The following LEKR1 variants were observed in gnomAD, a reference collection of about 807,000 sequenced individuals.
The protein encoded by LEKR1 is protein LEKR1.
In LEKR1, 59 loss-of-function variants were observed where a neutral mutation model predicts 72.4. That is an observed-to-expected ratio of 0.82 (90% CI 0.66 to 1.01). The LOEUF (loss-of-function observed/expected upper bound fraction) is 1.01. Ranked by LOEUF, LEKR1 falls within the 50% of genes least tolerant of loss-of-function variation. The probability of loss-of-function intolerance (pLI) is 0.00; values close to 1 mark genes in which losing one functional copy is unlikely to be tolerated. For synonymous variants in LEKR1, 257 were observed against 263.2 expected (o/e 0.98, Z 0.23); for missense variants, 728 against 759.2 (o/e 0.96, Z 0.48).
rs146352080 is a variant in LEKR1 at position 156,926,339 on chromosome 3, A to C, written c.384-1090A>C. Among the ~76,000 whole-genome samples, 1,079 of 152,150 alleles carry C rather than the reference A, an allele frequency of 7.1e-3. 5 individuals carry two copies. The highest frequency in any genetic ancestry group is 0.011 in the Admixed American group (170 of 15,272). On this transcript the variant is annotated intron_variant, in intron 4 of 12. Coordinates refer to ENST00000356539, the MANE Select transcript of LEKR1 (RefSeq NM_001004316.3). ...GAAAAGTTTAATAAGAATTTCCCCA[A>C]ATTGGACAATGCTAAGAATTTGTGT... is the stretch of plus-strand genomic sequence containing the variant.
At chr3:157,023,814 G>A (rs1323046126) in intron 10 of LEKR1, among the ~76,000 whole-genome samples, 2 of 152,150 alleles carry the variant, frequency 1.3e-5, no homozygotes, top group Non-Finnish European at 2.9e-5. Context: ...AGATTTCTAA[G>A]GTCCCTTCTA....
chr3:156,988,863 G>C (rs984682819), intron 7 of LEKR1, among the ~76,000 whole-genome samples: 1 of 152,002 alleles, frequency 6.6e-6, no homozygotes, highest in Non-Finnish European at 1.5e-5. Flanking sequence ...ATGGAGTCTC[G>C]CACTGTCGCC....
intron 5 of LEKR1, among the ~76,000 whole-genome samples, chr3:156,934,824 TATACAC>T (rs975347137): frequency 9.2e-5 from 14 of 152,112 alleles, no homozygotes; most frequent in African/African-American, 3.4e-4. Flanking sequence ...TATACATACA[TATACAC>T]TTAAAATATA....
intron 12 of LEKR1, among the ~76,000 whole-genome samples, chr3:157,042,922 C>A (rs1303132193): frequency 6.6e-6 from 1 of 152,172 alleles, no homozygotes. Context: ...CCACCCAAAT[C>A]TCATGTCAAA....
At chr3:156,924,673 AT>A (rs572296828) in intron 4 of LEKR1, 8 of 436,910 alleles carry the variant, frequency 1.8e-5, no homozygotes, top group Non-Finnish European at 3.2e-5. Flanking sequence ...TCACGTGGAT[AT>A]TCAATTGTTC....
At chr3:156,966,015 A>C (rs892502125) in intron 6 of LEKR1, among the ~76,000 whole-genome samples, 1 of 152,226 alleles carries the variant, frequency 6.6e-6, no homozygotes, top group East Asian at 1.9e-4. Flanking sequence ...CTGATTTTGT[A>C]TATTCAGGTC....
chr3:156,862,505 G>A (rs924399441), intron 3 of LEKR1, among the ~76,000 whole-genome samples: 4 of 151,968 alleles, frequency 2.6e-5, no homozygotes, highest in Admixed American at 6.6e-5. Flanking sequence ...TAAAATGGAC[G>A]GAGAAAGAGC....
At chr3:157,006,091 C>T (rs955155728) in intron 9 of LEKR1, among the ~76,000 whole-genome samples, 10 of 151,792 alleles carry the variant, frequency 6.6e-5, no homozygotes, top group Non-Finnish European at 1.2e-4. Flanking sequence ...CTGCAAGCTC[C>T]GCTTCCCGGG....
chr3:156,902,886 C>G (rs1035023488), intron 3 of LEKR1, among the ~76,000 whole-genome samples: 1 of 151,376 alleles, frequency 6.6e-6, no homozygotes, highest in African/African-American at 2.4e-5. Context: ...GTTTAATATC[C>G]TGATTTTAAA....
chr3:156,878,050 G>T (rs1718826303), intron 3 of LEKR1, among the ~76,000 whole-genome samples: 1 of 151,844 alleles, frequency 6.6e-6, no homozygotes, highest in African/African-American at 2.4e-5. Context: ...CAAAATGTTG[G>T]GATTACAGGT....
intron 2 of LEKR1, among the ~76,000 whole-genome samples, chr3:156,846,373 G>T (rs1475386770): frequency 6.6e-6 from 1 of 151,634 alleles, no homozygotes; most frequent in Non-Finnish European, 1.5e-5. Context: ...CAGTGAGGGT[G>T]GATATCCTTG....
chr3:156,940,510 C>T (rs746464910), intron 5 of LEKR1, among the ~76,000 whole-genome samples: 51 of 152,112 alleles, frequency 3.4e-4, no homozygotes, highest in Non-Finnish European at 6.3e-4. Flanking sequence ...AACCCCAAAT[C>T]GGGACACATG....
rs564668317 is a variant in LEKR1, at chr3:156,835,766, A to C, written c.48+6389A>C. Reference sequence around the variant, plus strand: ...CACCAAGGCTAAAAGTTCTCTCGTAAAGCCTCTCTCATAAAGCGATTCCTT... The same window carrying C: ...CACCAAGGCTAAAAGTTCTCTCGTACAGCCTCTCTCATAAAGCGATTCCTT... On this transcript the variant is annotated intron_variant, in intron 2 of 12. Coordinates refer to ENST00000356539, the MANE Select transcript of LEKR1 (RefSeq NM_001004316.3). Among the ~76,000 whole-genome samples, 5 of 151,262 alleles carry C rather than the reference A, an allele frequency of 3.3e-5. No individual in the cohort carries two copies. The South Asian group carries it at 1.0e-3, about 32-fold the overall frequency.
At chr3:157,024,982 A>G in intron 11 of LEKR1, 58 bp downstream of exon 11, 1 of 1,256,824 alleles carries the variant, frequency 8.0e-7, no homozygotes, top group Non-Finnish European at 1.1e-6. Flanking sequence ...GATGTTGTAT[A>G]TTTCGCCTTA....
At chr3:156,895,610 CA>C (rs574558103) in intron 3 of LEKR1, among the ~76,000 whole-genome samples, 4 of 141,006 alleles carry the variant, frequency 2.8e-5, no homozygotes, top group African/African-American at 2.6e-5. Context: ...GACCTTGTCT[CA>C]AAAAAAAAAC....
chr3:156,849,665 C>T (rs908106939), intron 2 of LEKR1, among the ~76,000 whole-genome samples: 1 of 152,162 alleles, frequency 6.6e-6, no homozygotes, highest in Non-Finnish European at 1.5e-5. Flanking sequence ...GGAAAGGATT[C>T]CCTATTTAAT....
intron 3 of LEKR1, among the ~76,000 whole-genome samples, chr3:156,901,726 A>G (rs62275257): frequency 0.032 from 4,843 of 152,236 alleles, 117 homozygotes; most frequent in Non-Finnish European, 0.047. Flanking sequence ...TCACTCTGTC[A>G]CCCAGGCTGG....
At chr3:157,008,466 C>G (rs2108020819) in intron 9 of LEKR1, among the ~76,000 whole-genome samples, 1 of 152,286 alleles carries the variant, frequency 6.6e-6, no homozygotes, top group East Asian at 1.9e-4. Flanking sequence ...AGCTACAATA[C>G]AGTGAACTTC....
chr3:156,933,542 G>C (rs1725436221), intron 5 of LEKR1, among the ~76,000 whole-genome samples: 1 of 152,092 alleles, frequency 6.6e-6, no homozygotes, highest in Admixed American at 6.6e-5. Flanking sequence ...ATGTAAAATA[G>C]TCGTCTTGGT....
Sources: allele counts gnomAD v4.1 joint callset (sites outside exome capture counted in the v4.1 genomes callset), GRCh38; gene constraint gnomAD v4.1.1; transcripts MANE v1.5; gene names NCBI Gene and HGNC (gene_info 2026-07-23, HGNC 2026-07-21).